MGLL: variants seen among roughly 807,000 people sequenced by gnomAD.
MGLL encodes the protein lysophospholipase homolog.
In MGLL, 7 loss-of-function variants were observed where a neutral mutation model predicts 29.1. That is an observed-to-expected ratio of 0.24 (90% confidence interval 0.14 to 0.45). MGLL has a LOEUF of 0.45. MGLL is among the 20% of genes least tolerant of loss of function. The pLI, the probability that MGLL is intolerant of heterozygous loss-of-function variation, is 0.99. For missense variants in MGLL, 356 were observed against 413.6 expected (o/e 0.86, Z 1.21); for synonymous variants, 148 against 168.3 (o/e 0.88, Z 0.93).
intron 3 of MGLL, among the ~76,000 whole-genome samples, chr3:127,740,233 G>GCA (rs1179124824): frequency 6.6e-6 from 1 of 152,222 alleles, no homozygotes; most frequent in Non-Finnish European, 1.5e-5. Context: ...GTGGCATGAA[G>GCA]CTCGTTCACA....
intron 2 of MGLL, among the ~76,000 whole-genome samples, chr3:127,806,187 C>T (rs375277803): frequency 2.6e-5 from 4 of 152,234 alleles, no homozygotes; most frequent in African/African-American, 7.2e-5. Flanking sequence ...AGGCAAATCA[C>T]CCGGTCTAGA....
rs747741350 is a variant in MGLL at position 127,821,813 on chromosome 3, T to C, written c.36A>G (p.Pro12=). Reference sequence around the variant, plus strand: ...GGGTCCGCCTGGGGGAACTTTCCTCTGGCATGCTGGAAGGGTCTTCAGGTC... The same window carrying C: ...GGGTCCGCCTGGGGGAACTTTCCTCCGGCATGCTGGAAGGGTCTTCAGGTC... ...ETGPEDPSSM[P]EESSPRRTPQ... Residue 12 remains proline, a synonymous_variant, in exon 2 of 8, where the codon CCA becomes CCG. Coordinates refer to ENST00000265052, the MANE Select transcript of MGLL (RefSeq NM_007283.7). 1.6e-5 allele frequency: 26 copies of C among 1,614,010 alleles called. No individual in the cohort carries two copies. The highest frequency in any genetic ancestry group is 2.2e-5 in the East Asian group (1 of 44,884).
At chr3:127,780,141 T>C (rs1214423339) in intron 3 of MGLL, among the ~76,000 whole-genome samples, 4 of 152,190 alleles carry the variant, frequency 2.6e-5, no homozygotes, top group Non-Finnish European at 5.9e-5. Flanking sequence ...TCTCCCTTTA[T>C]TCTAAAAAAG....
At chr3:127,726,166 AAGAAAGAAAG>A (rs2076033557) in intron 3 of MGLL, among the ~76,000 whole-genome samples, 1 of 30,498 alleles carries the variant, frequency 3.3e-5, no homozygotes, top group Non-Finnish European at 7.9e-5. Flanking sequence ...GAAAGAAAGA[AAGAAAGAAAG>A]AAAGAAAGAA....
chr3:127,733,292 A>G (rs1030323019), intron 3 of MGLL, among the ~76,000 whole-genome samples: 16 of 152,190 alleles, frequency 1.1e-4, no homozygotes, highest in Non-Finnish European at 2.1e-4. Context: ...AGCATGAATA[A>G]TCCACCCCTT....
intron 3 of MGLL, among the ~76,000 whole-genome samples, chr3:127,764,677 G>C (rs556213221): frequency 8.5e-5 from 13 of 152,298 alleles, no homozygotes; most frequent in African/African-American, 2.9e-4. Flanking sequence ...ATCTCTCTCT[G>C]AGAATTCTTA....
intron 4 of MGLL, 38 bp downstream of exon 4, chr3:127,722,392 A>G: frequency 6.2e-7 from 1 of 1,613,766 alleles, no homozygotes; most frequent in Non-Finnish European, 8.5e-7. Flanking sequence ...GCTGGAAGCC[A>G]GGGTGGATTT....
intron 3 of MGLL, among the ~76,000 whole-genome samples, chr3:127,724,896 C>T (rs1406005548): frequency 2.0e-5 from 3 of 152,128 alleles, no homozygotes; most frequent in Admixed American, 6.6e-5. Flanking sequence ...AACATGGGGA[C>T]AGTCTAAAAT....
chr3:127,721,775 C>T (rs1282558248), intron 4 of MGLL, among the ~76,000 whole-genome samples: 4 of 152,082 alleles, frequency 2.6e-5, no homozygotes, highest in Non-Finnish European at 5.9e-5. Context: ...GACCATGGGG[C>T]AGGAGGCAAG....
upstream of MGLL, chr3:127,822,906 G>GGCGCGCGCGCGCGCAC (rs1553774671): frequency 1.9e-5 from 3 of 155,856 alleles, no homozygotes; most frequent in South Asian, 1.9e-4. Flanking sequence ...GAGCAGGGAG[G>GGCGCGCGCGCGCGCAC]GCGCGCGCGC....
chr3:127,707,260 C>T (rs990561637), intron 6 of MGLL, among the ~76,000 whole-genome samples: 3 of 152,222 alleles, frequency 2.0e-5, no homozygotes, highest in Non-Finnish European at 4.4e-5. Context: ...GCCTCCACCC[C>T]TTCCACAGCC....
chr3:127,785,719 A>G (rs1280606488), intron 2 of MGLL, among the ~76,000 whole-genome samples: 1 of 152,266 alleles, frequency 6.6e-6, no homozygotes, highest in Non-Finnish European at 1.5e-5. Flanking sequence ...TCTTCAGCCG[A>G]GTCTGCAAAT....
chr3:127,753,701 C>T (rs751776686), intron 3 of MGLL, among the ~76,000 whole-genome samples: 13 of 152,160 alleles, frequency 8.5e-5, no homozygotes, highest in Admixed American at 2.6e-4. Flanking sequence ...CTAATAAGGT[C>T]GGCATATAGT....
At chr3:127,817,624 T>G (rs2077780513) in intron 2 of MGLL, among the ~76,000 whole-genome samples, 1 of 152,224 alleles carries the variant, frequency 6.6e-6, no homozygotes, top group African/African-American at 2.4e-5. Flanking sequence ...ATCATATAAT[T>G]ACAGCCTGCT....
chr3:127,787,279 G>T (rs2077229940), intron 2 of MGLL, among the ~76,000 whole-genome samples: 1 of 152,216 alleles, frequency 6.6e-6, no homozygotes, highest in South Asian at 2.1e-4. Context: ...CACTGAAGGG[G>T]CCGGCCTGTT....
intron 2 of MGLL, among the ~76,000 whole-genome samples, chr3:127,810,026 C>T (rs376968922): frequency 2.6e-5 from 4 of 152,180 alleles, no homozygotes; most frequent in African/African-American, 9.7e-5. Flanking sequence ...AATTACCAAC[C>T]CACATGGCCC....
intron 6 of MGLL, among the ~76,000 whole-genome samples, chr3:127,701,416 G>A (rs1361253652): frequency 6.6e-6 from 1 of 152,120 alleles, no homozygotes; most frequent in African/African-American, 2.4e-5. Context: ...TCAGCCCCCA[G>A]AGGGCTCACG....
intron 2 of MGLL, among the ~76,000 whole-genome samples, chr3:127,797,039 T>C (rs1279332400): frequency 1.3e-5 from 2 of 151,946 alleles, no homozygotes; most frequent in African/African-American, 2.4e-5. Flanking sequence ...CAGAGCTCCG[T>C]GGGAGGCCTG....
At chr3:127,802,110 C>T (rs1016361303) in intron 2 of MGLL, among the ~76,000 whole-genome samples, 1 of 152,076 alleles carries the variant, frequency 6.6e-6, no homozygotes, top group East Asian at 1.9e-4. Flanking sequence ...TATGCCAGGC[C>T]GGGTTGGGCA....
Sources: allele counts gnomAD v4.1 joint callset (sites outside exome capture counted in the v4.1 genomes callset), GRCh38; gene constraint gnomAD v4.1.1; transcripts MANE v1.5; gene names NCBI Gene and HGNC (gene_info 2026-07-23, HGNC 2026-07-21).